NUP205: variants seen among roughly 807,000 people sequenced by gnomAD.
NUP205 encodes the protein nucleoporin 205, also known as nuclear pore complex protein Nup205.
A neutral mutation model predicts 253.8 loss-of-function variants in NUP205; 76 were observed. The observed-to-expected ratio is 0.30, with a 90% CI of 0.25 to 0.36. The LOEUF (loss-of-function observed/expected upper bound fraction) is 0.36. Ranked by LOEUF, NUP205 falls within the 10% of genes least tolerant of loss-of-function variation. The pLI is 1.00. For synonymous variants in NUP205, 832 were observed against 850.1 expected, an observed-to-expected ratio of 0.98 and a Z score of 0.37; for missense variants, 2,162 against 2,425.5, an observed-to-expected ratio of 0.89 and a Z score of 2.28.
At chr7:135,635,251 A>G (rs1198855702) in intron 35 of NUP205, 4 of 166,990 alleles carry the variant, frequency 2.4e-5, no homozygotes, top group Non-Finnish European at 5.1e-5. Context: ...TTACTGTTTC[A>G]TATTCTAAAA....
At chr7:135,573,981 G>GT (rs896166064) in intron 3 of NUP205, among the ~76,000 whole-genome samples, 156 bp downstream of exon 3, 12 of 150,944 alleles carry the variant, frequency 7.9e-5, no homozygotes, top group South Asian at 4.2e-4. Context: ...AATCTTTGTT[G>GT]TTTTTTTTTG....
chr7:135,629,466 C>CCTCTCTCT (rs1398385118), intron 34 of NUP205, among the ~76,000 whole-genome samples: 3 of 73,208 alleles, frequency 4.1e-5, no homozygotes, highest in Non-Finnish European at 8.9e-5. Flanking sequence ...ATAGTGAGAC[C>CCTCTCTCT]CTATCTCTCT....
intron 1 of NUP205, 124 bp from the exon 2 acceptor site, chr7:135,570,981 T>A: frequency 3.5e-6 from 1 of 287,826 alleles, no homozygotes; most frequent in Non-Finnish European, 6.3e-6. Context: ...ATTATATTAA[T>A]TAAGATAACT....
chr7:135,616,334 A>G (rs1388650518), intron 24 of NUP205, among the ~76,000 whole-genome samples: 3 of 152,212 alleles, frequency 2.0e-5, no homozygotes, highest in East Asian at 3.8e-4. Context: ...GACCTAAGCT[A>G]TTTCAGTATG....
In NUP205 at chr7:135,625,314, C is replaced by A. The variant is rs759139021; in HGVS notation, c.4630C>A (p.Pro1544Thr). The part of the protein sequence containing the change: ...RTLQSLLTPQ[P>T]PLLKALYTYE... Reference sequence around the variant, plus strand: ...TTTGCAGAGCTTACTCACCCCACAGCCTCCCCTTTTAAAAGCACTTTATAC... The same window carrying A: ...TTTGCAGAGCTTACTCACCCCACAGACTCCCCTTTTAAAAGCACTTTATAC... The change falls in exon 32 of 43, where the codon CCT (proline) becomes ACT (threonine). Residue 1544 changes from proline (P) to threonine (T), a missense_variant. Physicochemically the swap from Pro to Thr is conservative, Grantham distance 38 (BLOSUM62 -1). This residue lies in a region of NUP205 where 1,144 missense variants were observed against 1,280.9 expected (regional missense o/e 0.89). Transcript: ENST00000285968. The A allele has an allele frequency of 9.9e-6, 16 of 1,611,716 alleles. No homozygotes were observed. In the East Asian group the frequency reaches 3.3e-4, roughly 34 times the overall value.
At chr7:135,591,429 A>G (rs1486755942) in intron 10 of NUP205, 21 bp from the exon 11 acceptor site, 4 of 1,610,886 alleles carry the variant, frequency 2.5e-6, no homozygotes, top group Non-Finnish European at 2.5e-6. Context: ...TATATAAACC[A>G]TTTGTTTCTC....
At chr7:135,585,920 G>GT (rs1806449790) in intron 8 of NUP205, among the ~76,000 whole-genome samples, 1 of 152,128 alleles carries the variant, frequency 6.6e-6, no homozygotes, top group Non-Finnish European at 1.5e-5. Flanking sequence ...TTAAGAAACC[G>GT]TAACACAAAG....
At chr7:135,641,461 C>T (rs1794913482) in intron 38 of NUP205, among the ~76,000 whole-genome samples, 1 of 152,156 alleles carries the variant, frequency 6.6e-6, no homozygotes, top group Admixed American at 6.5e-5. Flanking sequence ...TCTGTCTCTT[C>T]CCCTCTGTAT....
chr7:135,564,862 G>A (rs555425259), intron 1 of NUP205, among the ~76,000 whole-genome samples: 1 of 151,494 alleles, frequency 6.6e-6, no homozygotes, highest in East Asian at 2.0e-4. Context: ...CTGCCTCCAG[G>A]TTCAAGCGAT....
chr7:135,595,781 AATT>A (rs1378705093), intron 13 of NUP205, among the ~76,000 whole-genome samples: 6 of 152,154 alleles, frequency 3.9e-5, no homozygotes, highest in Admixed American at 2.6e-4. Context: ...TATCAGGTAT[AATT>A]ATTTTATATG....
chr7:135,573,294 A>G (rs1162837879), intron 2 of NUP205, among the ~76,000 whole-genome samples: 4 of 152,222 alleles, frequency 2.6e-5, no homozygotes, highest in Non-Finnish European at 5.9e-5. Context: ...CTAAGTAATT[A>G]AACAGTTCAT....
chr7:135,563,138 C>G (rs2129489473), intron 1 of NUP205, among the ~76,000 whole-genome samples: 1 of 151,972 alleles, frequency 6.6e-6, no homozygotes, highest in South Asian at 2.1e-4. Context: ...GGCTACCTCT[C>G]CTTCATATCC....
At chr7:135,571,411 TAA>T (rs563193250) in intron 2 of NUP205, among the ~76,000 whole-genome samples, 164 bp downstream of exon 2, 59 of 135,496 alleles carry the variant, frequency 4.4e-4, no homozygotes, top group African/African-American at 1.2e-3. Context: ...CCTAAACGCT[TAA>T]AAAAAAAAAA....
At chr7:135,574,699 A>G (rs1455306349) in intron 3 of NUP205, among the ~76,000 whole-genome samples, 2 of 152,220 alleles carry the variant, frequency 1.3e-5, no homozygotes, top group African/African-American at 4.8e-5. Context: ...ATTGCAATAG[A>G]AAGTTGTTGA....
chr7:135,618,810 T>C (rs1794412449), intron 28 of NUP205, among the ~76,000 whole-genome samples: 1 of 152,134 alleles, frequency 6.6e-6, no homozygotes, highest in Admixed American at 6.5e-5. Context: ...TCTCGGGAGC[T>C]TTGTAAAAAT....
chr7:135,617,343 A>G, intron 26 of NUP205, 96 bp downstream of exon 26: 4 of 1,220,790 alleles, frequency 3.3e-6, no homozygotes, highest in South Asian at 1.5e-5. Flanking sequence ...TCTTTCTGAT[A>G]GAGACATTGG....
intron 13 of NUP205, among the ~76,000 whole-genome samples, chr7:135,596,527 T>C (rs763992739): frequency 1.8e-4 from 28 of 152,208 alleles, no homozygotes; most frequent in Non-Finnish European, 3.1e-4. Flanking sequence ...TAGTATACTT[T>C]TGATTTGCAA....
At chr7:135,612,245 C>T (rs1380058467) in intron 22 of NUP205, among the ~76,000 whole-genome samples, 2 of 152,074 alleles carry the variant, frequency 1.3e-5, no homozygotes, top group Non-Finnish European at 2.9e-5. Context: ...ATTCATTGCC[C>T]CTATGGAAAA....
intron 33 of NUP205, among the ~76,000 whole-genome samples, chr7:135,627,253 C>T (rs765827650): frequency 1.2e-4 from 19 of 152,088 alleles, no homozygotes; most frequent in Non-Finnish European, 2.5e-4. Flanking sequence ...CTTATTAATA[C>T]GATGTTCTGA....
Sources: gnomAD v4.1 joint callset for allele counts (sites outside exome capture counted in the v4.1 genomes callset) on GRCh38, gnomAD v4.1.1 for gene constraint, gnomAD v4.1.1 regional missense constraint, MANE v1.5 for transcripts, NCBI Gene and HGNC (gene_info 2026-07-23, HGNC 2026-07-21) for gene names.